RER1: variants seen among roughly 807,000 people sequenced by gnomAD.
RER1 encodes the protein protein RER1.
A neutral mutation model predicts 28.3 loss-of-function variants in RER1; 6 were observed. The ratio of observed to expected loss-of-function variants is 0.21; its 90% CI spans 0.12 to 0.42. RER1 has a LOEUF of 0.42. RER1 is among the 10% of genes least tolerant of loss of function. The pLI is 1.00. For missense variants in RER1, 159 were observed against 252.9 expected, an observed-to-expected ratio of 0.63 and a Z score of 2.52; for synonymous variants, 110 against 95.9, an observed-to-expected ratio of 1.15 and a Z score of -0.86.
chr1:2,400,712 CCGTTTTCT>C (rs1642834339), intron 4 of RER1, 137 bp from the exon 5 acceptor site: 3 of 716,330 alleles, frequency 4.2e-6, no homozygotes, highest in Non-Finnish European at 7.5e-6. Flanking sequence ...CCACAGACCC[CCGTTTTCT>C]CGTTTTCTCT....
At chr1:2,397,699 G>C (rs1201184813) in intron 3 of RER1, among the ~76,000 whole-genome samples, 4 of 152,238 alleles carry the variant, frequency 2.6e-5, no homozygotes, top group African/African-American at 9.6e-5. Context: ...AGTCAAGTAA[G>C]AGAGACAGTG....
At chr1:2,399,605 A>T in intron 4 of RER1, 91 bp downstream of exon 4, 2 of 792,518 alleles carry the variant, frequency 2.5e-6, no homozygotes, top group Non-Finnish European at 4.5e-6. Context: ...AACACCCGAG[A>T]CTCTTCTCTT....
intron 6 of RER1, among the ~76,000 whole-genome samples, 178 bp downstream of exon 6, chr1:2,402,520 C>CTAACTAAACGGG (rs1642881918): frequency 6.6e-6 from 1 of 151,938 alleles, no homozygotes; most frequent in Admixed American, 6.6e-5. Context: ...GCACGGCCGG[C>CTAACTAAACGGG]TAACTAAACG....
chr1:2,396,646 C>T lies in RER1; in HGVS notation c.82-470C>T, dbSNP rs115017473. ...TCATGTCCACAGCCGCCTGGACGCA[C>T]ACACATGTGGGTGTGGCTGCTGGGG... On this transcript the variant is annotated intron_variant, in intron 2 of 6. Coordinates refer to ENST00000605895, the MANE Select transcript of RER1 (RefSeq NM_007033.5). 5.5e-3 allele frequency among the ~76,000 whole-genome samples: 845 copies of T among 152,308 alleles called. 5 individuals carry two copies. The highest frequency in any genetic ancestry group is 0.019 in the African/African-American group (786 of 41,536).
rs116272849 is a variant in RER1 at position 2,395,159 on chromosome 1, G to C, written c.-7-625G>C. On this transcript the variant is annotated intron_variant, in intron 1 of 6. Transcript: ENST00000605895. ...GTGACCTCTGGCACCTGGGTTCTCA[G>C]GTGAATTCCTCATGGCATCACAGCA... 430 of 152,940 alleles carry C rather than the reference G, an allele frequency of 2.8e-3. 2 individuals are homozygous for C. Among genetic ancestry groups the C allele is most frequent in the Non-Finnish European group, 3.6e-3 (249 of 68,440 alleles). 9.5% of individuals were successfully genotyped at this position (152,940 alleles called of 1,614,324 possible).
chr1:2,405,261 C>T lies in RER1; in HGVS notation c.*2137C>T, dbSNP rs1381836745. ...TCTGCCCAGCCGCCCTCGGGGAGAG[C>T]AGCGCCGCCTCCCATGGGGCCGTGG... is the stretch of plus-strand genomic sequence containing the variant. On this transcript the variant is annotated 3_prime_UTR_variant, in exon 7 of 7. Transcript: ENST00000605895. The T allele has an allele frequency of 3.2e-5, 9 of 279,556 alleles. No homozygotes were observed. 17.3% of individuals were successfully genotyped at this position (279,556 alleles called of 1,614,324 possible).
intron 6 of RER1, 39 bp downstream of exon 6, chr1:2,402,381 C>G (rs201227039): frequency 6.2e-7 from 1 of 1,613,130 alleles, no homozygotes; most frequent in Admixed American, 1.7e-5. Flanking sequence ...GCCGCAATCG[C>G]TGTTCTGTTA....
rs1283532687 is a variant in RER1, at chr1:2,404,384, G to A, written c.*1260G>A. On this transcript the variant is annotated 3_prime_UTR_variant, in exon 7 of 7. Coordinates refer to ENST00000605895, the MANE Select transcript of RER1 (RefSeq NM_007033.5). Reference sequence around the variant, plus strand: ...TGGGATTCTCAGACTGTGGACAGGAGTGTTTGTCATTTTTCATACTGTTTT... The same window carrying A: ...TGGGATTCTCAGACTGTGGACAGGAATGTTTGTCATTTTTCATACTGTTTT... 4 of 152,286 alleles carry A rather than the reference G, an allele frequency of 2.6e-5. No homozygotes were observed. Among genetic ancestry groups the A allele is most frequent in the Non-Finnish European group, 5.9e-5 (4 of 68,064 alleles). 9.4% of individuals were successfully genotyped at this position (152,286 alleles called of 1,614,324 possible).
chr1:2,402,554 C>A (rs561279316), intron 6 of RER1, among the ~76,000 whole-genome samples: 1 of 152,176 alleles, frequency 6.6e-6, no homozygotes, highest in African/African-American at 2.4e-5. Context: ...TGGGAGCGGG[C>A]GGGCTCTTGG....
intron 1 of RER1, chr1:2,394,550 G>T (rs1256382158): frequency 6.6e-6 from 1 of 152,224 alleles, no homozygotes. Flanking sequence ...TAGTCTTTGT[G>T]AGCTTCAGTT....
At chr1:2,394,605 C>T (rs1430250656) in intron 1 of RER1, 1 of 152,250 alleles carries the variant, frequency 6.6e-6, no homozygotes, top group Non-Finnish European at 1.5e-5. Context: ...CCAACTGTTG[C>T]TGAGGAATGA....
chr1:2,395,489 T>C, intron 1 of RER1: 1 of 396,204 alleles, frequency 2.5e-6, no homozygotes, highest in Non-Finnish European at 4.8e-6. Context: ...GCAAGGCTGC[T>C]CCTGGGGCCA....
intron 5 of RER1, 66 bp downstream of exon 5, chr1:2,401,001 C>T (rs2100405436): frequency 7.2e-7 from 1 of 1,387,078 alleles, no homozygotes; most frequent in Non-Finnish European, 1.0e-6. Context: ...TGAGACTACA[C>T]TGATTTTTGT....
At chr1:2,402,568 A>G (rs1642882840) in intron 6 of RER1, among the ~76,000 whole-genome samples, 1 of 151,988 alleles carries the variant, frequency 6.6e-6, no homozygotes, top group African/African-American at 2.4e-5. Context: ...CTCTTGGTGG[A>G]AACTTTGTGG....
In RER1 at chr1:2,400,924, G is replaced by A; in HGVS notation, c.354G>A (p.Glu118=). 1 of 1,613,846 alleles carries A rather than the reference G, an allele frequency of 6.2e-7. No individual in the cohort carries two copies. Among genetic ancestry groups the A allele is most frequent in the Non-Finnish European group, 8.5e-7 (1 of 1,179,724 alleles). ...EFRPFIRRLP[E]FKFWHAATKG... The stretch of plus-strand genomic sequence containing the variant: ...GCCCCTTCATTCGAAGGCTCCCAGA[G>A]TTTAAATTTTGGTGAGCTAATTCTT... Residue 118 remains glutamate (E), a synonymous_variant, in exon 5 of 7, where the codon GAG becomes GAA. Transcript: ENST00000605895.
chr1:2,401,735 T>C (rs1455785578), intron 5 of RER1, among the ~76,000 whole-genome samples: 1 of 152,052 alleles, frequency 6.6e-6, no homozygotes, highest in Non-Finnish European at 1.5e-5. Context: ...TCAGGGGCCC[T>C]GGAAGCCACC....
At chr1:2,396,584 T>G (rs925850373) in intron 2 of RER1, among the ~76,000 whole-genome samples, 1 of 152,264 alleles carries the variant, frequency 6.6e-6, no homozygotes, top group African/African-American at 2.4e-5. Flanking sequence ...TATGTATATT[T>G]GTAAAAATAA....
At chr1:2,400,077 C>G (rs964846915) in intron 4 of RER1, among the ~76,000 whole-genome samples, 1 of 152,218 alleles carries the variant, frequency 6.6e-6, no homozygotes, top group African/African-American at 2.4e-5. Context: ...CTGGGCCTGC[C>G]TGGGCCAGGT....
intron 1 of RER1, among the ~76,000 whole-genome samples, chr1:2,393,643 G>A (rs1353667119): frequency 6.6e-6 from 1 of 152,190 alleles, no homozygotes; most frequent in Non-Finnish European, 1.5e-5. Context: ...TCACAGACTG[G>A]AACCTGAGGC....
Sources: gnomAD v4.1 joint callset for allele counts (sites outside exome capture counted in the v4.1 genomes callset) on GRCh38, gnomAD v4.1.1 for gene constraint, MANE v1.5 for transcripts, NCBI Gene and HGNC (gene_info 2026-07-23, HGNC 2026-07-21) for gene names.